The following ZNF329 variants were observed in gnomAD, a reference collection of about 807,000 sequenced individuals.
ZNF329 encodes the protein zinc finger protein 329.
A neutral mutation model predicts 26.6 loss-of-function variants in ZNF329; 15 were observed. The ratio of observed to expected loss-of-function variants is 0.56; its 90% confidence interval spans 0.38 to 0.87. The LOEUF (loss-of-function observed/expected upper bound fraction) is 0.87, where lower values mean the gene tolerates loss of function less well. ZNF329 is among the 40% of genes least tolerant of loss of function. The pLI, the probability that ZNF329 is intolerant of heterozygous loss-of-function variation, is 0.00. For missense variants in ZNF329, 651 were observed against 651.9 expected (o/e 1.00, Z 0.02); for synonymous variants, 239 against 233.5 (o/e 1.02, Z -0.21).
At position 58,128,879 on chromosome 19, in the gene ZNF329, C is replaced by G. The variant is rs1167305552; in HGVS notation, c.625G>C (p.Gly209Arg). 6.2e-7 allele frequency: 1 copy of G among 1,613,882 alleles called. No individual in the cohort carries two copies. The highest frequency in any genetic ancestry group is 1.7e-5 in the Admixed American group (1 of 59,932). ...GAAGAGTTCCGTTTGAAGCATTTGC[C>G]ACATTCAGTACATCTATATTGTTTC... is the stretch of plus-strand genomic sequence containing the variant. Reference protein sequence around the residue: ...GEKQYRCTECGKCFKRNSSLV... With the variant: ...GEKQYRCTECRKCFKRNSSLV... The change falls in exon 4 of 4, where the codon GGC (glycine) becomes CGC (arginine). Residue 209 changes from glycine to arginine, a missense_variant. Coordinates refer to ENST00000598312, the MANE Select transcript of ZNF329 (RefSeq NM_024620.4).
At position 58,147,574 on chromosome 19, in the gene ZNF329, C is replaced by T. The variant is rs557785225; in HGVS notation, c.-208+3178G>A. ...GGGGTCAGCCCCCCGCCCGGCCAGCCGCCCCGTCCGGGAGGGAGGTGGGGG... is the reference window on the plus strand; with the variant it reads ...GGGGTCAGCCCCCCGCCCGGCCAGCTGCCCCGTCCGGGAGGGAGGTGGGGG... On this transcript the variant is annotated intron_variant, in intron 1 of 3. Transcript: ENST00000598312. Among the ~76,000 whole-genome samples, 8 of 145,190 alleles carry T rather than the reference C, an allele frequency of 5.5e-5. 1 individual carries two copies. In the South Asian group the frequency reaches 6.4e-4, roughly 12 times the overall value.
At chr19:58,145,181 G>C (rs970917924) in intron 1 of ZNF329, among the ~76,000 whole-genome samples, 18 of 150,874 alleles carry the variant, frequency 1.2e-4, no homozygotes, top group African/African-American at 4.1e-4. Flanking sequence ...GTAGAGATTG[G>C]GTCTCACTGT....
At chr19:58,143,976 G>T (rs1159113546) in intron 1 of ZNF329, among the ~76,000 whole-genome samples, 1 of 151,778 alleles carries the variant, frequency 6.6e-6, no homozygotes, top group Non-Finnish European at 1.5e-5. Context: ...AGCTACTCGG[G>T]AGGCTGAGGG....
At chr19:58,132,603 C>T (rs975175119) in intron 3 of ZNF329, 4 of 149,790 alleles carry the variant, frequency 2.7e-5, no homozygotes, top group Non-Finnish European at 5.9e-5. Flanking sequence ...TCGCTTGAGC[C>T]TAGGAGGCAG....
At chr19:58,130,673 CA>C (rs11394563) in intron 3 of ZNF329, among the ~76,000 whole-genome samples, 2,602 of 88,154 alleles carry the variant, frequency 0.03, 53 homozygotes, top group African/African-American at 0.1. Context: ...GACTCCGTCT[CA>C]AAAAAAAAAA....
chr19:58,145,048 ACCATG>A (rs2075276629), intron 1 of ZNF329, among the ~76,000 whole-genome samples: 1 of 150,254 alleles, frequency 6.7e-6, no homozygotes, highest in East Asian at 2.0e-4. Context: ...ACGGGGTTTC[ACCATG>A]TTAGCCAAGA....
intron 3 of ZNF329, among the ~76,000 whole-genome samples, chr19:58,134,875 G>A (rs1210105878): frequency 6.6e-6 from 1 of 152,146 alleles, no homozygotes; most frequent in East Asian, 1.9e-4. Context: ...GACAGAGGTT[G>A]CAGTGAGCCA....
chr19:58,145,762 TAC>T (rs1431641527), intron 1 of ZNF329, among the ~76,000 whole-genome samples: 1 of 151,780 alleles, frequency 6.6e-6, no homozygotes, highest in African/African-American at 2.4e-5. Context: ...GCTTATCAAT[TAC>T]AGAGGGGAAA....
rs1010190056 is a variant in ZNF329 at position 58,128,196 on chromosome 19, G to A, written c.1308C>T (p.Phe436=). 1.3e-6 allele frequency: 2 copies of A among 1,587,378 alleles called. No homozygotes were observed. The highest frequency in any genetic ancestry group is 1.8e-5 in the Admixed American group (1 of 56,624). ...GCCTAATGAGGCCAGCGATATTCCTGAAAAGTTTCTGACACTGGTTGCAGC... is the reference window on the plus strand; with the variant it reads ...GCCTAATGAGGCCAGCGATATTCCTAAAAAGTTTCTGACACTGGTTGCAGC... ...PYGCNQCQKL[F]RNIAGLIRHQ... Residue 436 remains phenylalanine, a synonymous_variant, in exon 4 of 4, where the codon TTC becomes TTT. Coordinates refer to ENST00000598312, the MANE Select transcript of ZNF329 (RefSeq NM_024620.4).
intron 1 of ZNF329, among the ~76,000 whole-genome samples, chr19:58,147,543 G>A (rs1400851488): frequency 1.1e-3 from 163 of 144,106 alleles, no homozygotes; most frequent in Non-Finnish European, 1.9e-3. Context: ...CCGGGAGGGA[G>A]GTGGGGGGGT....
At chr19:58,135,006 A>G (rs1422664047) in intron 3 of ZNF329, among the ~76,000 whole-genome samples, 2 of 152,226 alleles carry the variant, frequency 1.3e-5, no homozygotes, top group East Asian at 3.8e-4. Context: ...GTAGGAAGAA[A>G]ACAGCAAATC....
intron 3 of ZNF329, among the ~76,000 whole-genome samples, chr19:58,131,710 T>C (rs1372661718): frequency 6.6e-6 from 1 of 151,842 alleles, no homozygotes; most frequent in Non-Finnish European, 1.5e-5. Flanking sequence ...GAGCACTTCG[T>C]GAAGGGAAAA....
rs2074887676 is a variant in ZNF329, at chr19:58,129,452, C to G, written c.52G>C (p.Asp18His). ...CTTGTGAATCTTTCCACTTCTACAT[C>G]ACAGGGTACTTCTCTCTCAGGAAAA... ...RNFPEREVPC[D>H]VEVERFTREV... The change falls in exon 4 of 4, where the codon GAT (aspartate) becomes CAT (histidine). Residue 18 changes from aspartate (D) to histidine (H), a missense_variant. By Grantham distance (81) the Asp-to-His change is moderately conservative. Coordinates refer to ENST00000598312, the MANE Select transcript of ZNF329 (RefSeq NM_024620.4). The G allele has an allele frequency of 6.2e-7, 1 of 1,612,732 alleles. No homozygotes were observed. Among genetic ancestry groups the G allele is most frequent in the East Asian group, 2.2e-5 (1 of 44,872 alleles).
chr19:58,148,139 A>G (rs544140735), intron 1 of ZNF329, among the ~76,000 whole-genome samples: 5 of 151,884 alleles, frequency 3.3e-5, no homozygotes, highest in African/African-American at 7.3e-5. Context: ...ACTCAGGGTT[A>G]AATGGATTAA....
Position 58,143,199 on chromosome 19 carries a change from C to T in ZNF329, c.-207-1G>A, listed in dbSNP as rs2075225300. 1 of 127,276 alleles carries T rather than the reference C, an allele frequency of 7.9e-6. No individual in the cohort carries two copies. The highest frequency in any genetic ancestry group is 2.7e-5 in the African/African-American group (1 of 36,382). 7.9% of individuals were successfully genotyped at this position (127,276 alleles called of 1,614,324 possible). On this transcript the variant is annotated splice_acceptor_variant, in intron 1 of 3. Transcript: ENST00000598312. LOFTEE classifies it low-confidence loss of function (5UTR_SPLICE). ...CCAGCCTGGGTGAGACAGCAAGACC[C>T]TATCTCAAAAAAAAGAAAACAAAAA...
intron 1 of ZNF329, among the ~76,000 whole-genome samples, chr19:58,144,217 C>T (rs945284208): frequency 1.3e-5 from 2 of 151,276 alleles, no homozygotes; most frequent in Non-Finnish European, 2.9e-5. Context: ...CTCTGTTGCC[C>T]AGGCTGGAGT....
intron 3 of ZNF329, among the ~76,000 whole-genome samples, chr19:58,139,454 T>C (rs2075139044): frequency 6.6e-6 from 1 of 152,186 alleles, no homozygotes; most frequent in Non-Finnish European, 1.5e-5. Flanking sequence ...AAAATCAGTG[T>C]GTCAGCATGA....
Position 58,127,867 on chromosome 19 carries a change from G to A in ZNF329, c.*11C>T, listed in dbSNP as rs768658962. The A allele has an allele frequency of 6.4e-7, 1 of 1,565,434 alleles. No homozygotes were observed. The highest frequency in any genetic ancestry group is 1.2e-5 in the South Asian group (1 of 83,394). On this transcript the variant is annotated 3_prime_UTR_variant, in exon 4 of 4. Coordinates refer to ENST00000598312, the MANE Select transcript of ZNF329 (RefSeq NM_024620.4). ...GAGAGTGAACTGGAAGACTCATGTGGCCCCCAACCATTATGTTTCCATGGG... is the reference window on the plus strand; with the variant it reads ...GAGAGTGAACTGGAAGACTCATGTGACCCCCAACCATTATGTTTCCATGGG...
chr19:58,126,401 T>G lies in ZNF329; in HGVS notation c.*1477A>C, dbSNP rs2074802330. 6.6e-6 allele frequency: 1 copy of G among 152,214 alleles called. No individual in the cohort carries two copies. Among genetic ancestry groups the G allele is most frequent in the African/African-American group, 2.4e-5 (1 of 41,446 alleles). 9.4% of individuals were successfully genotyped at this position (152,214 alleles called of 1,614,324 possible). On this transcript the variant is annotated 3_prime_UTR_variant, in exon 4 of 4. Transcript: ENST00000598312. Reference sequence around the variant, plus strand: ...CAACATACATCCATATGTGCACATATTTTTACATGGCTGGAATAATAGTAA... The same window carrying G: ...CAACATACATCCATATGTGCACATAGTTTTACATGGCTGGAATAATAGTAA...
Sources: gnomAD v4.1 joint callset for allele counts (sites outside exome capture counted in the v4.1 genomes callset) on GRCh38, gnomAD v4.1.1 for gene constraint, MANE v1.5 for transcripts, NCBI Gene and HGNC (gene_info 2026-07-23, HGNC 2026-07-21) for gene names.